Variants in CLVS1 observed in about 807,000 individuals in gnomAD.
CLVS1 encodes the protein clavesin 1.
CLVS1 carries 10 observed loss-of-function variants against 33.1 expected under a neutral mutation model. The observed-to-expected ratio is 0.30, with a 90% CI of 0.19 to 0.51. The LOEUF is 0.51. Ranked by LOEUF, CLVS1 falls within the 20% of genes least tolerant of loss-of-function variation. The probability of loss-of-function intolerance (pLI) is 0.97; values close to 1 mark genes in which losing one functional copy is unlikely to be tolerated. For synonymous variants in CLVS1, 163 were observed against 166.1 expected, an observed-to-expected ratio of 0.98 and a Z score of 0.14; for missense variants, 343 against 433.4, an observed-to-expected ratio of 0.79 and a Z score of 1.85.
chr8:61,080,374 TAAAG>T (rs1015935723), intron 1 of CLVS1, among the ~76,000 whole-genome samples: 8 of 152,246 alleles, frequency 5.3e-5, no homozygotes, highest in African/African-American at 1.7e-4. Flanking sequence ...AGATAAAAGT[TAAAG>T]AAAGATAGAA....
intron 2 of CLVS1, among the ~76,000 whole-genome samples, chr8:61,216,985 C>T (rs1003728437): frequency 1.3e-5 from 2 of 152,116 alleles, no homozygotes; most frequent in African/African-American, 4.8e-5. Context: ...CTCCATTACA[C>T]GTGAAAAGTT....
rs754904754 is a variant in CLVS1 at position 61,136,425 on chromosome 8, C to T, written c.-152+4565C>T. Among the ~76,000 whole-genome samples, 9 of 152,282 alleles carry T rather than the reference C, an allele frequency of 5.9e-5. No homozygotes were observed. The South Asian group carries it at 1.9e-3, about 32-fold the overall frequency. On this transcript the variant is annotated intron_variant, in intron 2 of 2. Transcript: ENST00000522621. ...TGATTTTCCAGTTGCAAAGACATGGCATCAACCTAAATGCCCATCAATGAT... is the reference window on the plus strand; with the variant it reads ...TGATTTTCCAGTTGCAAAGACATGGTATCAACCTAAATGCCCATCAATGAT...
chr8:60,992,448 A>G, the CLVS1 span, among the ~76,000 whole-genome samples: 1 of 152,226 alleles, frequency 6.6e-6, no homozygotes, highest in Non-Finnish European at 1.5e-5. Flanking sequence ...AAAGAAAGAG[A>G]AAGACTGCTG....
chr8:61,216,059 C>A (rs910889655), intron 2 of CLVS1, among the ~76,000 whole-genome samples: 1 of 152,158 alleles, frequency 6.6e-6, no homozygotes, highest in Non-Finnish European at 1.5e-5. Context: ...AAAATATCCG[C>A]TTGCCTTCAC....
At chr8:61,067,421 T>C (rs1275307364) in intron 1 of CLVS1, among the ~76,000 whole-genome samples, 2 of 148,840 alleles carry the variant, frequency 1.3e-5, no homozygotes, top group East Asian at 3.9e-4. Flanking sequence ...TGAGTATATA[T>C]ACTTATAAGG....
chr8:61,396,614 A>G (rs1814538184), intron 3 of CLVS1, among the ~76,000 whole-genome samples: 3 of 152,168 alleles, frequency 2.0e-5, no homozygotes, highest in South Asian at 4.1e-4. Context: ...TTGTGTAACC[A>G]TCATCACAAT....
rs192773309 is a variant in CLVS1 at position 61,213,841 on chromosome 8, G to A, written c.-152+81981G>A. Among the ~76,000 whole-genome samples, 101 of 152,304 alleles carry A rather than the reference G, an allele frequency of 6.6e-4. 1 individual carries two copies. The highest frequency in any genetic ancestry group is 3.2e-3 in the Admixed American group (49 of 15,300). On this transcript the variant is annotated intron_variant, in intron 2 of 2. Coordinates refer to the CLVS1 transcript ENST00000522621. The stretch of plus-strand genomic sequence containing the variant: ...GAGATAACCTTAAACTCTGACCACC[G>A]GTGAGCCGGGTGGAACAGAGCCATA...
At chr8:61,383,739 A>G (rs912819369) in intron 3 of CLVS1, among the ~76,000 whole-genome samples, 19 of 152,226 alleles carry the variant, frequency 1.2e-4, no homozygotes, top group African/African-American at 4.6e-4. Context: ...CCCATTTTAA[A>G]TAGTGCCATT....
chr8:60,987,796 G>C, the CLVS1 span, among the ~76,000 whole-genome samples: 14 of 152,130 alleles, frequency 9.2e-5, no homozygotes, highest in South Asian at 2.1e-4. Context: ...AGCCAGTGTG[G>C]TGGCTCGAGC....
chr8:61,102,707 G>T (rs945638104), intron 1 of CLVS1, among the ~76,000 whole-genome samples: 7 of 152,180 alleles, frequency 4.6e-5, no homozygotes, highest in African/African-American at 1.7e-4. Flanking sequence ...CTATCATGGG[G>T]CTGAGGTATC....
chr8:61,383,433 A>G (rs1051338545), intron 3 of CLVS1, among the ~76,000 whole-genome samples: 1 of 152,000 alleles, frequency 6.6e-6, no homozygotes, highest in African/African-American at 2.4e-5. Flanking sequence ...AGAATGTTAG[A>G]TAGAACAGAT....
At chr8:61,234,291 C>T (rs937454049) in intron 2 of CLVS1, among the ~76,000 whole-genome samples, 5 of 152,142 alleles carry the variant, frequency 3.3e-5, no homozygotes, top group African/African-American at 9.7e-5. Context: ...CAGCCTGGTT[C>T]GACCAGTGCC....
At chr8:61,034,705 T>G in the CLVS1 span, among the ~76,000 whole-genome samples, 1 of 152,186 alleles carries the variant, frequency 6.6e-6, no homozygotes, top group South Asian at 2.1e-4. Flanking sequence ...GGAACAACTT[T>G]GAGTAAAACT....
intron 3 of CLVS1, among the ~76,000 whole-genome samples, chr8:61,412,317 C>T (rs995559421): frequency 6.6e-6 from 1 of 151,996 alleles, no homozygotes; most frequent in Non-Finnish European, 1.5e-5. Context: ...AACACAGGGA[C>T]AGGACCAAAT....
chr8:61,384,981 G>T (rs1441276551), intron 3 of CLVS1, among the ~76,000 whole-genome samples: 1 of 152,138 alleles, frequency 6.6e-6, no homozygotes, highest in East Asian at 1.9e-4. Flanking sequence ...AGTGGTGGGG[G>T]TGTCATCTAG....
At chr8:61,431,548 A>G (rs1816115589) in intron 3 of CLVS1, among the ~76,000 whole-genome samples, 1 of 152,088 alleles carries the variant, frequency 6.6e-6, no homozygotes, top group Non-Finnish European at 1.5e-5. Context: ...TTAAAATTCA[A>G]ATCCCTTCCC....
intron 2 of CLVS1, among the ~76,000 whole-genome samples, chr8:61,179,656 T>C (rs1807192072): frequency 6.6e-6 from 1 of 152,172 alleles, no homozygotes; most frequent in African/African-American, 2.4e-5. Context: ...CAGACCACAG[T>C]GCAATCAAAT....
At chr8:61,347,132 G>T (rs1289400182) in intron 2 of CLVS1, among the ~76,000 whole-genome samples, 1 of 152,110 alleles carries the variant, frequency 6.6e-6, no homozygotes, top group East Asian at 1.9e-4. Flanking sequence ...TGAGATGAAG[G>T]CACAGACATG....
chr8:61,118,388 T>C (rs1306214859), intron 1 of CLVS1, among the ~76,000 whole-genome samples: 3 of 150,270 alleles, frequency 2.0e-5, no homozygotes, highest in Non-Finnish European at 4.4e-5. Context: ...TCTGCTCTGA[T>C]CTTAGTTATT....
Sources: gnomAD v4.1 joint callset for allele counts (sites outside exome capture counted in the v4.1 genomes callset) on GRCh38, gnomAD v4.1.1 for gene constraint, MANE v1.5 for transcripts, NCBI Gene and HGNC (gene_info 2026-07-23, HGNC 2026-07-21) for gene names.